Variants in SH3TC2 observed in about 807,000 individuals in gnomAD.
The protein encoded by SH3TC2 is SH3 domain and tetratricopeptide repeat-containing protein 2.
In SH3TC2, 87 loss-of-function variants were observed where a neutral mutation model predicts 124.5. The observed-to-expected ratio is 0.70, with a 90% CI of 0.59 to 0.84. SH3TC2 has a LOEUF of 0.84. Among genes scored for constraint, SH3TC2 ranks in the 40% least tolerant of loss-of-function variants. SH3TC2 has a pLI of 0.00. For missense variants in SH3TC2, 1,536 were observed against 1,566.4 expected (o/e 0.98, Z 0.33); for synonymous variants, 634 against 628.5 (o/e 1.01, Z -0.13).
rs71957589 is a variant in SH3TC2 at position 148,987,809 on chromosome 5, CTGTGTGTGTGTGTG to C, written c.*16888_*16901del. Among the ~76,000 whole-genome samples the C allele has an allele frequency of 9.8e-4, 133 of 135,408 alleles. No individual in the cohort carries two copies. The highest frequency in any genetic ancestry group is 2.8e-3 in the African/African-American group (102 of 36,194). The allele number at this position is 135,408 out of a possible 152,430, so 88.8% of individuals were successfully genotyped here. ...CCTCACTCGAGGCCTCATTCAAAAT[CTGTGTGTGTGTGTG>C]TGTGTGTGTGTGTGTGTGTGTGTGT... is the stretch of plus-strand genomic sequence containing the variant. On this transcript the variant is annotated 3_prime_UTR_variant, in exon 17 of 17. Transcript: ENST00000515425.
chr5:149,001,692 A>G lies in SH3TC2; in HGVS notation c.*3019T>C, dbSNP rs1753600683. On this transcript the variant is annotated 3_prime_UTR_variant, in exon 17 of 17. Transcript: ENST00000515425. ...TAGCACAATGTTTTTCTTATTTTAAAAAAATAGTCTTACCCTTGTCTTTGG... is the reference window on the plus strand; with the variant it reads ...TAGCACAATGTTTTTCTTATTTTAAGAAAATAGTCTTACCCTTGTCTTTGG... 6.6e-6 allele frequency: 1 copy of G among 152,256 alleles called. No homozygotes were observed. The highest frequency in any genetic ancestry group is 1.9e-4 in the East Asian group (1 of 5,204). The allele number at this position is 152,256 out of a possible 1,614,324, so 9.4% of individuals were successfully genotyped here.
chr5:149,042,567 G>T, intron 5 of SH3TC2, 127 bp downstream of exon 5: 1 of 1,125,620 alleles, frequency 8.9e-7, no homozygotes, highest in Non-Finnish European at 1.3e-6. Flanking sequence ...TATTATAACA[G>T]GTGGGTTCAT....
chr5:149,034,571 T>C (rs1754252259), intron 8 of SH3TC2: 1 of 343,562 alleles, frequency 2.9e-6, no homozygotes, highest in African/African-American at 2.2e-5. Flanking sequence ...TGTCCATTTC[T>C]TTATGCTTAC....
At chr5:149,032,510 T>C (rs978367022) in intron 8 of SH3TC2, among the ~76,000 whole-genome samples, 1 of 152,248 alleles carries the variant, frequency 6.6e-6, no homozygotes, top group Non-Finnish European at 1.5e-5. Flanking sequence ...AGAACCCATT[T>C]TGAAAACAAA....
rs1281773555 is a variant in SH3TC2 at position 149,004,344 on chromosome 5, CA to C, written c.*366del. 4.0e-6 allele frequency: 1 copy of C among 248,728 alleles called. No individual in the cohort carries two copies. The highest frequency in any genetic ancestry group is 7.8e-6 in the Non-Finnish European group (1 of 127,880). The allele number at this position is 248,728 out of a possible 1,614,324, so 15.4% of individuals were successfully genotyped here. ...ACAAATTCCAATCTGCTTGCCTTTG[CA>C]CCAGTGCAGTGACTGATTTCCTCAT... On this transcript the variant is annotated 3_prime_UTR_variant, in exon 17 of 17. Coordinates refer to ENST00000515425, the MANE Select transcript of SH3TC2 (RefSeq NM_024577.4).
chr5:149,056,978 T>C (rs1432644746), intron 1 of SH3TC2, among the ~76,000 whole-genome samples: 3 of 152,196 alleles, frequency 2.0e-5, no homozygotes, highest in Non-Finnish European at 4.4e-5. Flanking sequence ...TGCTGAGTCA[T>C]TTTAACAATC....
Position 148,993,172 on chromosome 5 carries a change from C to A in SH3TC2, c.*11539G>T, listed in dbSNP as rs919198611. On this transcript the variant is annotated 3_prime_UTR_variant, in exon 17 of 17. Coordinates refer to ENST00000515425, the MANE Select transcript of SH3TC2 (RefSeq NM_024577.4). The stretch of plus-strand genomic sequence containing the variant: ...AATAAAACTGACAACAGCTAACCTA[C>A]ACAAAGAATGTGTTAATGAGCAAAC... 1.3e-5 allele frequency among the ~76,000 whole-genome samples: 2 copies of A among 152,186 alleles called. No homozygotes were observed. Among genetic ancestry groups the A allele is most frequent in the Non-Finnish European group, 2.9e-5 (2 of 68,038 alleles).
intron 1 of SH3TC2, among the ~76,000 whole-genome samples, chr5:149,053,577 C>G (rs887263069): frequency 6.6e-6 from 1 of 152,130 alleles, no homozygotes; most frequent in Admixed American, 6.5e-5. Context: ...AGTTCTGCCC[C>G]GAGGAACCAA....
chr5:148,987,809 CTGTGTGTG>C lies in SH3TC2; in HGVS notation c.*16894_*16901del, dbSNP rs71957589. Among the ~76,000 whole-genome samples the C allele has an allele frequency of 0.033, 4,525 of 135,364 alleles. 110 individuals carry two copies. The highest frequency in any genetic ancestry group is 0.071 in the African/African-American group (2,556 of 36,172). The allele number at this position is 135,364 out of a possible 152,430, so 88.8% of individuals were successfully genotyped here. Reference sequence around the variant, plus strand: ...CCTCACTCGAGGCCTCATTCAAAATCTGTGTGTGTGTGTGTGTGTGTGTGTGTGTGTGT... The same window carrying C: ...CCTCACTCGAGGCCTCATTCAAAATCTGTGTGTGTGTGTGTGTGTGTGTGT... On this transcript the variant is annotated 3_prime_UTR_variant, in exon 17 of 17. Transcript: ENST00000515425.
At chr5:149,051,764 T>C (rs1391622410) in intron 2 of SH3TC2, among the ~76,000 whole-genome samples, 1 of 152,180 alleles carries the variant, frequency 6.6e-6, no homozygotes, top group Non-Finnish European at 1.5e-5. Flanking sequence ...CATGTATTTA[T>C]TCATCAAAGA....
At chr5:149,055,033 G>A (rs947346554) in intron 1 of SH3TC2, among the ~76,000 whole-genome samples, 1 of 151,928 alleles carries the variant, frequency 6.6e-6, no homozygotes, top group African/African-American at 2.4e-5. Flanking sequence ...GAATTTTTTA[G>A]ATAATTGTTT....
At chr5:149,009,049 T>G (rs993910125) in intron 14 of SH3TC2, 48 bp from the exon 15 acceptor site, 3 of 1,612,102 alleles carry the variant, frequency 1.9e-6, no homozygotes, top group Admixed American at 1.7e-5. Flanking sequence ...GAATCCTCAG[T>G]GCATACCATA....
In SH3TC2 at chr5:149,028,690, TG is replaced by T; in HGVS notation, c.1163del (p.Pro388GlnfsTer4). The T allele has an allele frequency of 1.2e-6, 2 of 1,614,214 alleles. No individual in the cohort carries two copies. Among genetic ancestry groups the T allele is most frequent in the Non-Finnish European group, 1.7e-6 (2 of 1,180,040 alleles). ...ATCGCTACTCACCACTCAGATCATTTGGAGGATTCTGGATGGATTCAAACCC... is the reference window on the plus strand; with the variant it reads ...ATCGCTACTCACCACTCAGATCATTTGAGGATTCTGGATGGATTCAAACCC... ...LSGFESIQNP[P>X]NDLSASQPEG... On this transcript the variant is annotated frameshift_variant, in exon 10 of 17. Coordinates refer to ENST00000515425, the MANE Select transcript of SH3TC2 (RefSeq NM_024577.4). LOFTEE classifies it high-confidence loss of function.
chr5:149,026,703 G>A lies in SH3TC2; in HGVS notation c.2922C>T (p.Ser974=), dbSNP rs755319616. ...AGGTGATGCATGCCTCAGGGTTTGG[G>A]GACACAGAGCTGTAGAAATGGCAGA... ...KSLCHFYSSV[S]PNPEACITYH... Residue 974 remains serine (S), a synonymous_variant, in exon 12 of 17, where the codon TCC becomes TCT. Transcript: ENST00000515425. 45 of 1,614,070 alleles carry A rather than the reference G, an allele frequency of 2.8e-5. No individual in the cohort carries two copies. The highest frequency in any genetic ancestry group is 3.8e-5 in the Non-Finnish European group (45 of 1,180,038).
intron 12 of SH3TC2, among the ~76,000 whole-genome samples, chr5:149,022,472 A>G (rs1234724795): frequency 6.6e-6 from 1 of 152,214 alleles, no homozygotes; most frequent in Non-Finnish European, 1.5e-5. Context: ...ACTTTTAAAA[A>G]CAACCTAGCA....
Position 149,027,628 on chromosome 5 carries a change from G to A in SH3TC2, c.2104C>T (p.Gln702Ter). ...TGCCAAATAGGAAGAGACATCCCTT[G>A]GGCACTCTGGATACCATGTTGCTGG... Reference protein sequence around the residue: ...SVQQHGIQSAQGMSLPIWQVH... With the variant: ...SVQQHGIQSA Residue 702 changes from glutamine (Q) to a stop codon, truncating the protein, a stop_gained, in exon 11 of 17, where the codon CAA (glutamine) becomes TAA (stop). Transcript: ENST00000515425. LOFTEE classifies it high-confidence loss of function. 6.2e-7 allele frequency: 1 copy of A among 1,614,232 alleles called. No individual in the cohort carries two copies. Among genetic ancestry groups the A allele is most frequent in the Non-Finnish European group, 8.5e-7 (1 of 1,180,028 alleles).
chr5:149,057,945 C>G (rs1264531888), intron 1 of SH3TC2, among the ~76,000 whole-genome samples: 1 of 152,170 alleles, frequency 6.6e-6, no homozygotes, highest in Non-Finnish European at 1.5e-5. Flanking sequence ...TTCTAGGACC[C>G]TCATCAGCAC....
At chr5:149,047,706 G>A (rs891293523) in intron 3 of SH3TC2, 156 bp downstream of exon 3, 2 of 1,021,266 alleles carry the variant, frequency 2.0e-6, no homozygotes, top group Non-Finnish European at 1.5e-6. Flanking sequence ...CTCCTGTGCA[G>A]AGAATGTGCA....
intron 12 of SH3TC2, among the ~76,000 whole-genome samples, chr5:149,025,581 C>T (rs796495256): frequency 6.6e-6 from 1 of 152,334 alleles, no homozygotes; most frequent in African/African-American, 2.4e-5. Flanking sequence ...ACTTGAAGAT[C>T]TTGCAAACCA....
Sources: gnomAD v4.1 joint callset for allele counts (sites outside exome capture counted in the v4.1 genomes callset) on GRCh38, gnomAD v4.1.1 for gene constraint, MANE v1.5 for transcripts, NCBI Gene and HGNC (gene_info 2026-07-23, HGNC 2026-07-21) for gene names.